The following RBMS3 variants were observed in gnomAD, a reference collection of about 807,000 sequenced individuals.
RBMS3 encodes RNA binding motif single stranded interacting protein 3, also known as RNA-binding motif, single-stranded-interacting protein 3.
In RBMS3, 27 loss-of-function variants were observed where a neutral mutation model predicts 66.8. That is an observed-to-expected ratio of 0.40 (90% confidence interval 0.30 to 0.56). The LOEUF (loss-of-function observed/expected upper bound fraction) is 0.56, where lower values mean the gene tolerates loss of function less well. RBMS3 is among the 20% of genes least tolerant of loss of function. The probability of loss-of-function intolerance (pLI) is 0.40; values close to 1 mark genes in which losing one functional copy is unlikely to be tolerated. For missense variants in RBMS3, 513 were observed against 549.5 expected, an observed-to-expected ratio of 0.93 and a Z score of 0.66; for synonymous variants, 188 against 183.0, an observed-to-expected ratio of 1.03 and a Z score of -0.22.
intron 10 of RBMS3, among the ~76,000 whole-genome samples, chr3:29,918,238 G>A (rs1055464850): frequency 2.6e-5 from 4 of 151,740 alleles, no homozygotes; most frequent in African/African-American, 9.7e-5. Flanking sequence ...AATTATTATT[G>A]GATTCTTCTG....
chr3:29,497,327 A>G (rs1048291091), intron 3 of RBMS3, among the ~76,000 whole-genome samples: 4 of 152,182 alleles, frequency 2.6e-5, no homozygotes, highest in Admixed American at 2.6e-4. Context: ...CATTTTTAAA[A>G]TAATTGTTGA....
intron 4 of RBMS3, among the ~76,000 whole-genome samples, chr3:29,623,310 C>T (rs1045872887): frequency 2.0e-5 from 3 of 151,608 alleles, no homozygotes; most frequent in African/African-American, 7.3e-5. Context: ...GTATAAAAGT[C>T]GGCCGGGCGC....
At chr3:29,611,724 AC>A (rs2048499036) in intron 4 of RBMS3, among the ~76,000 whole-genome samples, 1 of 152,036 alleles carries the variant, frequency 6.6e-6, no homozygotes, top group Non-Finnish European at 1.5e-5. Context: ...GAATTGTTGC[AC>A]ATTTTGTATA....
chr3:29,887,612 T>A (rs2059902449), intron 8 of RBMS3, among the ~76,000 whole-genome samples: 1 of 151,758 alleles, frequency 6.6e-6, no homozygotes, highest in Non-Finnish European at 1.5e-5. Context: ...TTACCCAGTT[T>A]CAGGCAGTTC....
At chr3:29,485,625 C>T (rs887583957) in intron 2 of RBMS3, among the ~76,000 whole-genome samples, 11 of 152,082 alleles carry the variant, frequency 7.2e-5, no homozygotes, top group African/African-American at 2.4e-4. Context: ...ATATTTACTT[C>T]ATTTATTTAT....
At chr3:29,925,606 C>T (rs2060916848) in intron 10 of RBMS3, among the ~76,000 whole-genome samples, 1 of 152,238 alleles carries the variant, frequency 6.6e-6, no homozygotes. Flanking sequence ...AAGGACTTAA[C>T]AAAATGATTG....
intron 4 of RBMS3, among the ~76,000 whole-genome samples, chr3:29,703,484 C>T (rs1343651071): frequency 1.3e-5 from 2 of 152,178 alleles, no homozygotes; most frequent in African/African-American, 2.4e-5. Flanking sequence ...GGAACTATTA[C>T]GGTTGGGAAC....
chr3:29,970,943 A>G (rs780399362), intron 12 of RBMS3, among the ~76,000 whole-genome samples: 8 of 152,218 alleles, frequency 5.3e-5, no homozygotes, highest in Middle Eastern at 3.4e-3. Flanking sequence ...TCAGGCCCAT[A>G]CCACTCATGG....
chr3:29,998,537 A>G (rs1469798596), intron 14 of RBMS3, among the ~76,000 whole-genome samples: 4 of 152,252 alleles, frequency 2.6e-5, no homozygotes, highest in Non-Finnish European at 5.9e-5. Flanking sequence ...TACAGTAACC[A>G]AAGCAGCATG....
At chr3:29,355,996 T>C (rs2037203033) in intron 1 of RBMS3, among the ~76,000 whole-genome samples, 1 of 152,130 alleles carries the variant, frequency 6.6e-6, no homozygotes, top group Non-Finnish European at 1.5e-5. Context: ...AATAACTTAA[T>C]TCTGCCCATT....
chr3:29,936,567 A>G (rs949577548), intron 11 of RBMS3, among the ~76,000 whole-genome samples: 6 of 152,072 alleles, frequency 3.9e-5, no homozygotes, highest in Non-Finnish European at 4.4e-5. Flanking sequence ...CTCAGCTACT[A>G]TATTATTAGC....
At chr3:29,757,212 C>A (rs568480650) in intron 5 of RBMS3, among the ~76,000 whole-genome samples, 1 of 152,200 alleles carries the variant, frequency 6.6e-6, no homozygotes, top group African/African-American at 2.4e-5. Context: ...CAAAACATAC[C>A]CCTATCACTC....
chr3:29,424,349 G>T (rs191979352), intron 1 of RBMS3, among the ~76,000 whole-genome samples: 1 of 152,020 alleles, frequency 6.6e-6, no homozygotes, highest in Non-Finnish European at 1.5e-5. Context: ...AAATTTTCCC[G>T]GTTTGTAAGA....
chr3:29,635,113 C>A (rs1174629805), intron 4 of RBMS3, among the ~76,000 whole-genome samples: 2 of 151,874 alleles, frequency 1.3e-5, no homozygotes, highest in African/African-American at 4.8e-5. Context: ...GCATTCACTA[C>A]CTTAGTAATG....
chr3:29,348,090 G>A (rs1412831928), intron 1 of RBMS3, among the ~76,000 whole-genome samples: 1 of 150,676 alleles, frequency 6.6e-6, no homozygotes, highest in Non-Finnish European at 1.5e-5. Flanking sequence ...TCTCTTCACT[G>A]CCTTGTCATT....
rs1699745670 is a variant in RBMS3, at chr3:30,004,507, C to A, written c.*645C>A. On this transcript the variant is annotated 3_prime_UTR_variant, in exon 15 of 15. Transcript: ENST00000383767. ...CTTTCACTGGCACAGAAGTTTAAGA[C>A]TATGAGTTTTTAGGGTGAAGAAAAA... 6.6e-6 allele frequency: 1 copy of A among 151,998 alleles called. No individual in the cohort carries two copies. The highest frequency in any genetic ancestry group is 1.5e-5 in the Non-Finnish European group (1 of 67,778). The allele number at this position is 151,998 out of a possible 1,614,324, so 9.4% of individuals were successfully genotyped here. A position where few individuals can be genotyped will look rare whatever the true frequency, so the allele number is the denominator to read the frequency against.
rs1344510915 is a variant in RBMS3, at chr3:29,281,152, T to C, written c.-530T>C. ...TTTTTTCTTCCTTTTTTTCTTTTTT[T>C]TTTTCTTTTTCCCCTTTCTTTTTCT... On this transcript the variant is annotated 5_prime_UTR_variant, in exon 1 of 15. Coordinates refer to ENST00000383767, the MANE Select transcript of RBMS3 (RefSeq NM_001003793.3). The C allele has an allele frequency of 1.3e-5, 2 of 149,620 alleles. No individual in the cohort carries two copies. The highest frequency in any genetic ancestry group is 4.9e-5 in the African/African-American group (2 of 40,782). 9.3% of individuals were successfully genotyped at this position (149,620 alleles called of 1,614,324 possible).
At chr3:29,634,051 C>A (rs999812441) in intron 4 of RBMS3, among the ~76,000 whole-genome samples, 7 of 151,822 alleles carry the variant, frequency 4.6e-5, no homozygotes, top group African/African-American at 1.7e-4. Context: ...ATGTTTATAT[C>A]ATCAGAATAA....
At chr3:29,522,651 G>C (rs1340489805) in intron 3 of RBMS3, among the ~76,000 whole-genome samples, 1 of 152,156 alleles carries the variant, frequency 6.6e-6, no homozygotes, top group Non-Finnish European at 1.5e-5. Context: ...CTGCCAGGTG[G>C]GAGTTGGTAC....
Sources: allele counts gnomAD v4.1 joint callset (sites outside exome capture counted in the v4.1 genomes callset), GRCh38; gene constraint gnomAD v4.1.1; transcripts MANE v1.5; gene names NCBI Gene and HGNC (gene_info 2026-07-23, HGNC 2026-07-21).